Variants in CA10 observed in about 807,000 individuals in gnomAD.
CA10 encodes carbonic anhydrase-related protein 10.
Under a neutral mutation model 44.2 loss-of-function variants are expected in CA10, and 14 were observed. That is an observed-to-expected ratio of 0.32 (90% CI 0.21 to 0.50). CA10 has a LOEUF of 0.50. Among genes scored for constraint, CA10 ranks in the 20% least tolerant of loss-of-function variants. The pLI is 0.99. For synonymous variants in CA10, 159 were observed against 141.6 expected, an observed-to-expected ratio of 1.12 and a Z score of -0.87; for missense variants, 350 against 409.7, an observed-to-expected ratio of 0.85 and a Z score of 1.26.
At chr17:52,054,102 C>T (rs1047572366) in intron 2 of CA10, among the ~76,000 whole-genome samples, 1 of 152,204 alleles carries the variant, frequency 6.6e-6, no homozygotes, top group Non-Finnish European at 1.5e-5. Flanking sequence ...TAACCTTAAA[C>T]TCTGGCTGCC....
intron 3 of CA10, among the ~76,000 whole-genome samples, chr17:51,912,076 A>T (rs1208234608): frequency 1.3e-5 from 2 of 152,114 alleles, no homozygotes; most frequent in Non-Finnish European, 2.9e-5. Flanking sequence ...CAAATCTAGC[A>T]CCTATTTCAC....
At chr17:51,640,838 C>T (rs563011449) in intron 6 of CA10, among the ~76,000 whole-genome samples, 15 of 152,258 alleles carry the variant, frequency 9.9e-5, no homozygotes, top group African/African-American at 2.6e-4. Flanking sequence ...TCAGCGTTAT[C>T]GTCTGGGCAT....
intron 4 of CA10, among the ~76,000 whole-genome samples, chr17:51,718,362 G>T (rs1403519432): frequency 2.6e-5 from 4 of 152,172 alleles, no homozygotes; most frequent in African/African-American, 9.7e-5. Flanking sequence ...GAGGCCGAAG[G>T]TTGAGCTAAT....
At chr17:52,056,436 A>T (rs1987233382) in intron 2 of CA10, among the ~76,000 whole-genome samples, 1 of 152,136 alleles carries the variant, frequency 6.6e-6, no homozygotes, top group South Asian at 2.1e-4. Flanking sequence ...GGGTCCTTCA[A>T]CTGAGGCTGG....
intron 3 of CA10, among the ~76,000 whole-genome samples, chr17:51,799,279 G>A (rs190858319): frequency 6.6e-6 from 1 of 152,150 alleles, no homozygotes; most frequent in Non-Finnish European, 1.5e-5. Flanking sequence ...ACCCCCAGTG[G>A]CAGATAACAA....
chr17:51,956,527 T>C lies in CA10; in HGVS notation c.137-25395A>G, dbSNP rs531288556. 1.3e-3 allele frequency among the ~76,000 whole-genome samples: 192 copies of C among 152,324 alleles called. 1 individual carries two copies. The highest frequency in any genetic ancestry group is 4.5e-3 in the African/African-American group (187 of 41,580). ...CACAAAAATAATTGTCTTCAACAGA[T>C]AGAAATTTTAGCTTCTCATTTGTTT... On this transcript the variant is annotated intron_variant, in intron 2 of 8. Transcript: ENST00000451037.
intron 3 of CA10, among the ~76,000 whole-genome samples, chr17:51,834,433 A>G (rs144466007): frequency 6.6e-5 from 10 of 152,344 alleles, no homozygotes; most frequent in Admixed American, 4.6e-4. Flanking sequence ...CCTGAAAGAC[A>G]TCATCTGTAC....
Position 52,158,526 on chromosome 17 carries a change from G to GA in CA10, c.-741_-740insT, listed in dbSNP as rs1461210445. 5.2e-5 allele frequency: 8 copies of GA among 154,100 alleles called. No homozygotes were observed. Among genetic ancestry groups the GA allele is most frequent in the African/African-American group, 1.7e-4 (7 of 41,446 alleles). The allele number at this position is 154,100 out of a possible 1,614,324, so 9.5% of individuals were successfully genotyped here. ...CCTGCAGCCTCTCAGCCGGGTTCCG[G>GA]CAGTGCGTCCAGGGCGCCGAGGGGA... is the stretch of plus-strand genomic sequence containing the variant. On this transcript the variant is annotated 5_prime_UTR_variant, in exon 1 of 9. Coordinates refer to ENST00000451037, the MANE Select transcript of CA10 (RefSeq NM_020178.5).
chr17:51,824,693 G>C (rs79976932), intron 3 of CA10, among the ~76,000 whole-genome samples: 1 of 152,162 alleles, frequency 6.6e-6, no homozygotes, highest in Non-Finnish European at 1.5e-5. Context: ...ATAGTTATGC[G>C]TTGAATCTTT....
chr17:51,964,084 T>C (rs1381932243), intron 2 of CA10, among the ~76,000 whole-genome samples: 1 of 151,012 alleles, frequency 6.6e-6, no homozygotes, highest in Admixed American at 6.6e-5. Flanking sequence ...ATAACACAAA[T>C]AGAAAACAAA....
At chr17:51,879,977 C>T (rs1202836112) in intron 3 of CA10, among the ~76,000 whole-genome samples, 1 of 152,166 alleles carries the variant, frequency 6.6e-6, no homozygotes, top group Non-Finnish European at 1.5e-5. Context: ...TAGCCAATTC[C>T]TAGACATAAT....
intron 4 of CA10, among the ~76,000 whole-genome samples, chr17:51,716,673 C>T (rs1290333904): frequency 6.6e-6 from 1 of 152,136 alleles, no homozygotes; most frequent in Non-Finnish European, 1.5e-5. Flanking sequence ...GCTGCAGTTC[C>T]CTCCATAGCA....
intron 3 of CA10, among the ~76,000 whole-genome samples, chr17:51,801,862 A>G (rs1233173250): frequency 2.0e-5 from 3 of 152,200 alleles, no homozygotes; most frequent in Non-Finnish European, 4.4e-5. Context: ...TGGTTCTTGT[A>G]TTTGACACAT....
chr17:51,870,365 A>G (rs1979746679), intron 3 of CA10, among the ~76,000 whole-genome samples: 1 of 152,256 alleles, frequency 6.6e-6, no homozygotes, highest in South Asian at 2.1e-4. Context: ...ATCACACTCT[A>G]AAGTGACTTG....
In CA10 at chr17:52,157,748, G is replaced by A. The variant is rs778967703; in HGVS notation, c.39C>T (p.Ala13=). 1.9e-6 allele frequency: 3 copies of A among 1,614,030 alleles called. No homozygotes were observed. Among genetic ancestry groups the A allele is most frequent in the Non-Finnish European group, 2.5e-6 (3 of 1,179,936 alleles). The change falls in exon 1 of 9, where the codon GCC becomes GCT. Residue 13 remains alanine, a synonymous_variant. Transcript: ENST00000451037. ...TACCTGATATGCAGACGATGAAATT[G>A]GCTTGAAGAAGAAAAAGCACCTCCC... ...IVWEVLFLLQ[A]NFIVCISAQQ... is the part of the protein sequence containing the mutation.
At chr17:51,876,286 C>A (rs1980074752) in intron 3 of CA10, among the ~76,000 whole-genome samples, 1 of 150,504 alleles carries the variant, frequency 6.6e-6, no homozygotes, top group Non-Finnish European at 1.5e-5. Flanking sequence ...CCCACCTCGG[C>A]CTCTTGAGTA....
chr17:51,654,816 A>G (rs1372834291), intron 4 of CA10, among the ~76,000 whole-genome samples: 1 of 152,140 alleles, frequency 6.6e-6, no homozygotes, highest in Non-Finnish European at 1.5e-5. Context: ...TTGGCCTCCC[A>G]AAGTGCTGGG....
At chr17:51,721,836 C>T (rs1191770745) in intron 4 of CA10, among the ~76,000 whole-genome samples, 2 of 152,142 alleles carry the variant, frequency 1.3e-5, no homozygotes, top group African/African-American at 2.4e-5. Context: ...CTCGCCCCTG[C>T]CCTAGTCCTG....
intron 1 of CA10, among the ~76,000 whole-genome samples, chr17:52,127,601 A>C (rs1245750919): frequency 1.3e-5 from 2 of 152,172 alleles, no homozygotes; most frequent in African/African-American, 2.4e-5. Context: ...CTAGGGAGGT[A>C]GTCAGTTGGG....
Sources: allele counts gnomAD v4.1 joint callset (sites outside exome capture counted in the v4.1 genomes callset), GRCh38; gene constraint gnomAD v4.1.1; transcripts MANE v1.5; gene names NCBI Gene and HGNC (gene_info 2026-07-23, HGNC 2026-07-21).